Variants in PLA2G6 observed in about 807,000 individuals in gnomAD.
PLA2G6 encodes the protein phospholipase A2 group VI.
In PLA2G6, 62 loss-of-function variants were observed where a neutral mutation model predicts 83.8. The ratio of observed to expected loss-of-function variants is 0.74; its 90% CI spans 0.60 to 0.91. The LOEUF (loss-of-function observed/expected upper bound fraction) is 0.91, where lower values mean the gene tolerates loss of function less well. Ranked by LOEUF, PLA2G6 falls within the 40% of genes least tolerant of loss-of-function variation. The probability of loss-of-function intolerance (pLI) is 0.00; values close to 1 mark genes in which losing one functional copy is unlikely to be tolerated. For synonymous variants in PLA2G6, 417 were observed against 449.8 expected, an observed-to-expected ratio of 0.93 and a Z score of 0.92; for missense variants, 944 against 1,102.0, an observed-to-expected ratio of 0.86 and a Z score of 2.03.
At chr22:38,133,994 A>G (rs1256030410) in intron 6 of PLA2G6, 1 of 152,204 alleles carries the variant, frequency 6.6e-6, no homozygotes, top group African/African-American at 2.4e-5. Context: ...CATTTGAGTC[A>G]GTAGGGGAAG....
chr22:38,132,351 C>G lies in PLA2G6; in HGVS notation c.1077+480G>C, dbSNP rs922903237. The G allele has an allele frequency of 3.1e-6, 1 of 323,726 alleles. No individual in the cohort carries two copies. The highest frequency in any genetic ancestry group is 5.1e-4 in the Middle Eastern group (1 of 1,954). The allele number at this position is 323,726 out of a possible 1,614,324, so 20.1% of individuals were successfully genotyped here. On this transcript the variant is annotated intron_variant, in intron 7 of 16. Transcript: ENST00000332509. The surrounding 1 kb of genome is among the most constrained non-coding windows in gnomAD (Gnocchi z 5.0). ...CCTCCCAGGGAAGATGAGAGCAACA[C>G]GCGGACCAGTGAAGGGAAGCAGGAT...
At chr22:38,176,821 T>C (rs2090650835) in intron 1 of PLA2G6, among the ~76,000 whole-genome samples, 1 of 152,060 alleles carries the variant, frequency 6.6e-6, no homozygotes, top group South Asian at 2.1e-4. Flanking sequence ...GCAGATCACC[T>C]GAGGTCAGAA....
At chr22:38,117,669 A>T (rs752769102) in intron 12 of PLA2G6, among the ~76,000 whole-genome samples, 19 of 152,180 alleles carry the variant, frequency 1.2e-4, no homozygotes, top group African/African-American at 3.9e-4. Flanking sequence ...CGTGTATCCA[A>T]CAGACAATGG....
intron 5 of PLA2G6, chr22:38,135,422 G>C (rs2088490771): frequency 2.9e-6 from 1 of 340,792 alleles, no homozygotes; most frequent in African/African-American, 2.1e-5. Flanking sequence ...TGAGAGGAGT[G>C]GCTGGGGTGT....
At chr22:38,164,553 AG>A (rs2090143352) in intron 2 of PLA2G6, among the ~76,000 whole-genome samples, 1 of 152,198 alleles carries the variant, frequency 6.6e-6, no homozygotes, top group Non-Finnish European at 1.5e-5. Flanking sequence ...AGCAGGGTCC[AG>A]TCTCTCCGCC....
At chr22:38,158,955 T>C (rs373677904) in intron 2 of PLA2G6, among the ~76,000 whole-genome samples, 1 of 152,126 alleles carries the variant, frequency 6.6e-6, no homozygotes, top group East Asian at 1.9e-4. Context: ...TCCCAGCACT[T>C]TGGGAGGCCG....
intron 14 of PLA2G6, 111 bp downstream of exon 14, chr22:38,115,416 C>G (rs141174626): frequency 1.1e-5 from 10 of 901,436 alleles, no homozygotes; most frequent in Middle Eastern, 2.6e-4. Flanking sequence ...TGAATGAGTG[C>G]GTGTGTAAAA....
At chr22:38,125,303 GGTGTGTGTGCGTGCATGTGTGCGTGT>G (rs760212601) in intron 10 of PLA2G6, among the ~76,000 whole-genome samples, 23 of 152,096 alleles carry the variant, frequency 1.5e-4, no homozygotes, top group Non-Finnish European at 1.9e-4. Context: ...TGTGCATGTG[GGTGTGTGTGCGTGCATGTGTGCGTGT>G]GTGTGTGCGT....
intron 15 of PLA2G6, 54 bp downstream of exon 15, chr22:38,113,433 G>A (rs945194288): frequency 5.1e-6 from 8 of 1,565,830 alleles, no homozygotes; most frequent in Admixed American, 3.3e-5. Context: ...GGAAGCCATC[G>A]ACCTGGGCTA....
chr22:38,156,952 T>C (rs1296389040), intron 2 of PLA2G6, among the ~76,000 whole-genome samples: 1 of 151,830 alleles, frequency 6.6e-6, no homozygotes, highest in Non-Finnish European at 1.5e-5. Context: ...ACACAACATA[T>C]CAAAACCTGT....
intron 3 of PLA2G6, chr22:38,144,632 CAAAAAAAAAAAAA>C (rs5845371): frequency 3.2e-5 from 1 of 30,946 alleles, no homozygotes; most frequent in South Asian, 1.9e-3. Context: ...GACTCCGTCT[CAAAAAAAAAAAAA>C]AAAAAAAAAA....
At position 38,116,062 on chromosome 22, in the gene PLA2G6, AC is replaced by A; in HGVS notation, c.1879+12del. On this transcript the variant is annotated intron_variant, in intron 13 of 16. Coordinates refer to ENST00000332509, the MANE Select transcript of PLA2G6 (RefSeq NM_003560.4). Reference sequence around the variant, plus strand: ...CAGTCGCTTCCCATGGATGCATCAAACATGGTTTAAACCTGAGGGCTGAGCT... The same window carrying A: ...CAGTCGCTTCCCATGGATGCATCAAAATGGTTTAAACCTGAGGGCTGAGCT... The A allele has an allele frequency of 6.2e-7, 1 of 1,613,468 alleles. No individual in the cohort carries two copies. Among genetic ancestry groups the A allele is most frequent in the Non-Finnish European group, 8.5e-7 (1 of 1,179,848 alleles).
intron 6 of PLA2G6, 75 bp downstream of exon 6, chr22:38,134,913 C>A: frequency 9.3e-7 from 1 of 1,078,166 alleles, no homozygotes. Context: ...CTCTCGGGAA[C>A]CTGCTTCCTG....
intron 5 of PLA2G6, chr22:38,139,341 G>A (rs2145798957): frequency 6.6e-6 from 1 of 152,276 alleles, no homozygotes; most frequent in Non-Finnish European, 1.5e-5. Flanking sequence ...CCCAAAGAGG[G>A]CTAAGATTGG....
chr22:38,134,710 T>A (rs1424631066), intron 6 of PLA2G6: 1 of 474,892 alleles, frequency 2.1e-6, no homozygotes, highest in African/African-American at 1.9e-5. Flanking sequence ...TGTGCCGAGT[T>A]TTGTCACACA....
intron 9 of PLA2G6, chr22:38,127,115 C>A: frequency 8.9e-7 from 1 of 1,117,940 alleles, no homozygotes; most frequent in Non-Finnish European, 1.1e-6. Context: ...TCCCCAGGTG[C>A]CTGGTGCAGC....
chr22:38,126,181 C>A, intron 10 of PLA2G6, 190 bp downstream of exon 10: 1 of 667,038 alleles, frequency 1.5e-6, no homozygotes, highest in Non-Finnish European at 2.8e-6. Flanking sequence ...CTGCACCGCC[C>A]AGCATTAATG....
intron 10 of PLA2G6, among the ~76,000 whole-genome samples, chr22:38,124,432 G>A (rs1602102068): frequency 1.3e-5 from 2 of 152,134 alleles, no homozygotes; most frequent in East Asian, 1.9e-4. Context: ...GCCCTGACAC[G>A]TCTCCCCACA....
chr22:38,112,553 C>T lies in PLA2G6; in HGVS notation c.2227G>A (p.Val743Met). Residue 743 changes from valine (V) to methionine (M), a missense_variant, in exon 16 of 17, where the codon GTG (valine) becomes ATG (methionine). Physicochemically the swap from Val to Met is conservative, Grantham distance 21 (BLOSUM62 1). Coordinates refer to ENST00000332509, the MANE Select transcript of PLA2G6 (RefSeq NM_003560.4). Reference sequence around the variant, plus strand: ...TCGCACCAGGCCCGTGCCCGGTCCACAGCCCGCCCGTCTGGATCCGTGCAC... The same window carrying T: ...TCGCACCAGGCCCGTGCCCGGTCCATAGCCCGCCCGTCTGGATCCGTGCAC... ...DCCTDPDGRAVDRARAWCEMV... is the reference protein window; with the variant it reads ...DCCTDPDGRAMDRARAWCEMV... 3 of 1,553,912 alleles carry T rather than the reference C, an allele frequency of 1.9e-6. No individual in the cohort carries two copies. The highest frequency in any genetic ancestry group is 1.7e-6 in the Non-Finnish European group (2 of 1,149,858).
Sources: gnomAD v4.1 joint callset for allele counts (sites outside exome capture counted in the v4.1 genomes callset) on GRCh38, gnomAD v4.1.1 for gene constraint, Gnocchi (gnomAD v3.1) non-coding constraint, MANE v1.5 for transcripts, NCBI Gene and HGNC (gene_info 2026-07-23, HGNC 2026-07-21) for gene names.